The following PCLO variants were observed in gnomAD, a reference collection of about 807,000 sequenced individuals.
PCLO encodes the protein protein piccolo.
PCLO carries 82 observed loss-of-function variants against 427.5 expected under a neutral mutation model. The ratio of observed to expected loss-of-function variants is 0.19; its 90% CI spans 0.16 to 0.23. The LOEUF (loss-of-function observed/expected upper bound fraction) is 0.23, where lower values mean the gene tolerates loss of function less well. Among genes scored for constraint, PCLO ranks in the 10% least tolerant of loss-of-function variants. The pLI, the probability that PCLO is intolerant of heterozygous loss-of-function variation, is 1.00. For missense variants in PCLO, 6,239 were observed against 6,115.9 expected, an observed-to-expected ratio of 1.02 and a Z score of -0.67; for synonymous variants, 2,357 against 2,155.4, an observed-to-expected ratio of 1.09 and a Z score of -2.59.
chr7:82,968,464 A>G (rs1051442361), intron 3 of PCLO, among the ~76,000 whole-genome samples: 1 of 152,108 alleles, frequency 6.6e-6, no homozygotes, highest in Non-Finnish European at 1.5e-5. Flanking sequence ...CATGGTTTTA[A>G]AAACTATTAC....
intron 18 of PCLO, among the ~76,000 whole-genome samples, chr7:82,825,359 T>C (rs1791908595): frequency 1.3e-5 from 2 of 152,042 alleles, no homozygotes; most frequent in Non-Finnish European, 2.9e-5. Context: ...GGCATAATAC[T>C]AATCTAGAGT....
At chr7:82,762,518 T>C (rs898182517) in intron 22 of PCLO, among the ~76,000 whole-genome samples, 5 of 151,894 alleles carry the variant, frequency 3.3e-5, no homozygotes, top group Admixed American at 6.6e-5. Flanking sequence ...TTCTTTACAC[T>C]CAAAAAAAAT....
chr7:82,965,710 T>C, intron 4 of PCLO, 61 bp downstream of exon 4: 1 of 1,134,068 alleles, frequency 8.8e-7, no homozygotes. Context: ...CTTGTATACT[T>C]AGGTTAAAAA....
At chr7:82,871,602 T>C (rs1333449591) in intron 10 of PCLO, among the ~76,000 whole-genome samples, 3 of 151,938 alleles carry the variant, frequency 2.0e-5, no homozygotes, top group Non-Finnish European at 4.4e-5. Flanking sequence ...AAGGAAAGAT[T>C]TTAAGTGTTC....
At chr7:83,154,662 T>G in intron 2 of PCLO, 86 bp downstream of exon 2, 2 of 950,980 alleles carry the variant, frequency 2.1e-6, no homozygotes, top group Non-Finnish European at 3.2e-6. Flanking sequence ...AATGCCATCA[T>G]GTCATATATG....
At chr7:82,827,802 T>A in intron 17 of PCLO, 71 bp downstream of exon 17, 1 of 860,708 alleles carries the variant, frequency 1.2e-6, no homozygotes, top group Non-Finnish European at 1.8e-6. Context: ...AGATCCCAAT[T>A]TTTGAATAAT....
intron 10 of PCLO, among the ~76,000 whole-genome samples, chr7:82,855,210 A>C (rs1584054136): frequency 6.6e-6 from 1 of 152,184 alleles, no homozygotes; most frequent in East Asian, 1.9e-4. Context: ...TCAAGTCACA[A>C]CCATTTTTTA....
At chr7:83,049,609 T>G (rs1405437964) in intron 3 of PCLO, among the ~76,000 whole-genome samples, 1 of 152,122 alleles carries the variant, frequency 6.6e-6, no homozygotes, top group Non-Finnish European at 1.5e-5. Flanking sequence ...TTGTGAAGCT[T>G]CTTTTTCTTG....
rs139768144 is a variant in PCLO at position 82,987,623 on chromosome 7, G to T, written c.3301-21136C>A. 5.3e-5 allele frequency among the ~76,000 whole-genome samples: 8 copies of T among 151,986 alleles called. No homozygotes were observed. The East Asian group carries it at 1.4e-3, about 26-fold the overall frequency. ...ACTAAGTTATGTAGCCAAACATACAGATAAAACTTGATCTAAAAAAAAGCT... is the reference window on the plus strand; with the variant it reads ...ACTAAGTTATGTAGCCAAACATACATATAAAACTTGATCTAAAAAAAAGCT... On this transcript the variant is annotated intron_variant, in intron 3 of 24. Coordinates refer to ENST00000333891, the MANE Select transcript of PCLO (RefSeq NM_033026.6).
At chr7:82,988,418 G>C (rs1046287507) in intron 3 of PCLO, among the ~76,000 whole-genome samples, 6 of 152,052 alleles carry the variant, frequency 3.9e-5, no homozygotes, top group African/African-American at 1.4e-4. Flanking sequence ...TTTATTACAT[G>C]TTATTCCAAT....
intron 3 of PCLO, among the ~76,000 whole-genome samples, chr7:83,096,940 T>TATATA (rs1790577080): frequency 1.8e-5 from 1 of 54,422 alleles, no homozygotes; most frequent in Non-Finnish European, 3.0e-5. Context: ...TATAATATAT[T>TATATA]ATATATTATA....
intron 3 of PCLO, among the ~76,000 whole-genome samples, chr7:83,087,563 A>G (rs1176798743): frequency 6.6e-6 from 1 of 152,198 alleles, no homozygotes; most frequent in Non-Finnish European, 1.5e-5. Context: ...GAAATTAGAT[A>G]TATGAAACAT....
chr7:83,157,613 T>C (rs974752082), intron 1 of PCLO, among the ~76,000 whole-genome samples: 4 of 151,698 alleles, frequency 2.6e-5, no homozygotes, highest in African/African-American at 9.7e-5. Context: ...ATATATCTAT[T>C]GTTTTAGCCA....
intron 22 of PCLO, among the ~76,000 whole-genome samples, chr7:82,788,283 T>C (rs1269833888): frequency 1.4e-5 from 2 of 148,014 alleles, no homozygotes; most frequent in Non-Finnish European, 3.0e-5. Flanking sequence ...ATTTAATATA[T>C]ATAATTGATA....
intron 4 of PCLO, among the ~76,000 whole-genome samples, chr7:82,964,396 G>C (rs1795719237): frequency 1.3e-5 from 2 of 151,986 alleles, no homozygotes; most frequent in African/African-American, 4.8e-5. Context: ...CTTTGAAGTA[G>C]AACTACTGAC....
At chr7:82,939,012 AGCAGTCATTC>A (rs1795019363) in intron 6 of PCLO, among the ~76,000 whole-genome samples, 1 of 152,032 alleles carries the variant, frequency 6.6e-6, no homozygotes, top group Admixed American at 6.6e-5. Flanking sequence ...TTTTCTTTTC[AGCAGTCATTC>A]CTTTGTACTC....
chr7:82,759,438 G>T (rs745765021), intron 24 of PCLO, among the ~76,000 whole-genome samples: 1 of 151,758 alleles, frequency 6.6e-6, no homozygotes, highest in Non-Finnish European at 1.5e-5. Context: ...TATCTCTTCT[G>T]GTTTCTGGTT....
Position 83,154,898 on chromosome 7 carries a change from T to C in PCLO, c.1743A>G (p.Ser581=), listed in dbSNP as rs188795939. The change falls in exon 2 of 25, where the codon TCA becomes TCG. Residue 581 remains serine (S), a synonymous_variant. Transcript: ENST00000333891. ...TVSPSAKQPP[S]QGLPKTICPL... is the part of the protein sequence containing the mutation. ...GACAGATGGTTTTAGGGAGGCCTTGTGAAGGAGGCTGTTTTGCAGATGGAG... is the reference window on the plus strand; with the variant it reads ...GACAGATGGTTTTAGGGAGGCCTTGCGAAGGAGGCTGTTTTGCAGATGGAG... The C allele has an allele frequency of 2.5e-6, 4 of 1,614,048 alleles. No individual in the cohort carries two copies. The highest frequency in any genetic ancestry group is 3.4e-6 in the Non-Finnish European group (4 of 1,179,896).
intron 6 of PCLO, among the ~76,000 whole-genome samples, chr7:82,928,340 T>C (rs748133464): frequency 2.6e-5 from 4 of 152,196 alleles, no homozygotes; most frequent in Non-Finnish European, 4.4e-5. Flanking sequence ...ATGAATTATA[T>C]TTTTGTCAGT....
Sources: gnomAD v4.1 joint callset for allele counts (sites outside exome capture counted in the v4.1 genomes callset) on GRCh38, gnomAD v4.1.1 for gene constraint, MANE v1.5 for transcripts, NCBI Gene and HGNC (gene_info 2026-07-23, HGNC 2026-07-21) for gene names.